Variants in SUGP1 observed in about 807,000 individuals in gnomAD.
SUGP1 encodes SURP and G-patch domain-containing protein 1.
SUGP1 carries 34 observed loss-of-function variants against 76.5 expected under a neutral mutation model. The observed-to-expected ratio is 0.44, with a 90% CI of 0.34 to 0.59. The LOEUF is 0.59. Ranked by LOEUF, SUGP1 falls within the 20% of genes least tolerant of loss-of-function variation. SUGP1 has a pLI of 0.01. For missense variants in SUGP1, 752 were observed against 851.7 expected, an observed-to-expected ratio of 0.88 and a Z score of 1.46; for synonymous variants, 326 against 326.2, an observed-to-expected ratio of 1.00 and a Z score of 0.01.
intron 8 of SUGP1, among the ~76,000 whole-genome samples, chr19:19,286,330 A>C (rs2061139836): frequency 6.6e-6 from 1 of 152,126 alleles, no homozygotes; most frequent in Non-Finnish European, 1.5e-5. Context: ...TAACACACGT[A>C]CTCTATGGAG....
intron 8 of SUGP1, among the ~76,000 whole-genome samples, chr19:19,293,387 C>A (rs897880389): frequency 4.6e-5 from 7 of 151,752 alleles, no homozygotes; most frequent in Non-Finnish European, 1.0e-4. Flanking sequence ...AGTTCGAGAC[C>A]AGCCTGGCCA....
intron 1 of SUGP1, 148 bp downstream of exon 1, chr19:19,320,315 C>T: frequency 1.3e-6 from 1 of 785,342 alleles, no homozygotes; most frequent in African/African-American, 1.8e-5. Context: ...TCTCGAGAAA[C>T]CAAGAGGTGC....
chr19:19,277,586 T>G (rs952683182), intron 12 of SUGP1, 148 bp downstream of exon 12: 2 of 1,094,494 alleles, frequency 1.8e-6, no homozygotes. Flanking sequence ...ACTGCAGGCC[T>G]GTGCCTGACA....
At chr19:19,301,928 C>G (rs531339007) in intron 7 of SUGP1, 82 of 320,488 alleles carry the variant, frequency 2.6e-4, no homozygotes, top group African/African-American at 1.7e-3. Flanking sequence ...CTGTGAATTT[C>G]CACTTGAGAG....
At chr19:19,300,071 C>T (rs2061259432) in intron 7 of SUGP1, among the ~76,000 whole-genome samples, 1 of 151,388 alleles carries the variant, frequency 6.6e-6, no homozygotes, top group Admixed American at 6.6e-5. Flanking sequence ...AGCCACCAAG[C>T]CCAGCCTCAT....
Position 19,303,713 on chromosome 19 carries a change from G to A in SUGP1, c.662+11C>T, listed in dbSNP as rs373795494. 6.2e-7 allele frequency: 1 copy of A among 1,614,128 alleles called. No homozygotes were observed. The highest frequency in any genetic ancestry group is 1.3e-5 in the African/African-American group (1 of 75,034). ...CAACAGCACAGCCTTCCCTTCCCCG[G>A]AGATACTCACGCAAATGCTGGGTTA... On this transcript the variant is annotated intron_variant, in intron 5 of 13. Transcript: ENST00000247001.
chr19:19,282,785 AAGTT>A (rs2061108307), intron 8 of SUGP1, among the ~76,000 whole-genome samples: 1 of 152,156 alleles, frequency 6.6e-6, no homozygotes, highest in Admixed American at 6.5e-5. Flanking sequence ...AATCAAGAAA[AAGTT>A]AGGTGTGGCC....
In SUGP1 at chr19:19,303,388, T is replaced by G; in HGVS notation, c.723A>C (p.Ile241=). The G allele has an allele frequency of 1.2e-6, 2 of 1,614,160 alleles. No homozygotes were observed. Among genetic ancestry groups the G allele is most frequent in the East Asian group, 2.2e-5 (1 of 44,888 alleles). The change falls in exon 6 of 14, where the codon ATA becomes ATC. Residue 241 remains isoleucine (I), a synonymous_variant. Transcript: ENST00000247001. ...CCTGCGACTTCTGTGCTTCCTTTCT[T>G]ATCTCAGCCACCTTCTTCCTGTAGT... is the stretch of plus-strand genomic sequence containing the variant. ...FLYYRKKVAE[I]RKEAQKSQAA... is the part of the protein sequence containing the mutation.
chr19:19,302,434 A>G (rs1420586010), intron 6 of SUGP1, 46 bp from the exon 7 acceptor site: 3 of 1,594,740 alleles, frequency 1.9e-6, no homozygotes, highest in Non-Finnish European at 2.6e-6. Flanking sequence ...CACACCCAAC[A>G]GCCTAATTTC....
chr19:19,279,407 C>T lies in SUGP1; in HGVS notation c.1351-17G>A, dbSNP rs778793759. 12 of 1,582,114 alleles carry T rather than the reference C, an allele frequency of 7.6e-6. No homozygotes were observed. The highest frequency in any genetic ancestry group is 2.3e-4 in the Middle Eastern group (1 of 4,370). On this transcript the variant is annotated splice_polypyrimidine_tract_variant and intron_variant, in intron 9 of 13. Transcript: ENST00000247001. ...CTGCTGCATCTGCAGGGCACACTCG[C>T]CAGTGAGCCAGGGCACGGTGCTGTG...
Position 19,303,796 on chromosome 19 carries a change from C to A in SUGP1, c.590G>T (p.Arg197Leu). The change falls in exon 5 of 14, where the codon CGC becomes CTC. Residue 197 changes from arginine to leucine, a missense_variant. Arg to Leu is a moderately radical substitution (Grantham distance 102, BLOSUM62 -2). Coordinates refer to ENST00000247001, the MANE Select transcript of SUGP1 (RefSeq NM_172231.4). ...CTCGGGGCCTCCTTCTGCCACAAAGCGGGCCAATTTCTCTATCACTTTCCG... is the reference window on the plus strand; with the variant it reads ...CTCGGGGCCTCCTTCTGCCACAAAGAGGGCCAATTTCTCTATCACTTTCCG... ...ETRKVIEKLA[R>L]FVAEGGPELE... The A allele has an allele frequency of 6.2e-7, 1 of 1,614,196 alleles. No homozygotes were observed. The highest frequency in any genetic ancestry group is 8.5e-7 in the Non-Finnish European group (1 of 1,180,054).
chr19:19,302,231 G>T, intron 7 of SUGP1, 34 bp downstream of exon 7: 1 of 1,612,490 alleles, frequency 6.2e-7, no homozygotes, highest in Non-Finnish European at 8.5e-7. Flanking sequence ...TGTGGCCAGG[G>T]TGACGGTCAC....
chr19:19,313,941 C>T (rs1461273275), intron 2 of SUGP1, among the ~76,000 whole-genome samples: 1 of 152,102 alleles, frequency 6.6e-6, no homozygotes, highest in Non-Finnish European at 1.5e-5. Flanking sequence ...GAGTTAAAGA[C>T]CAGCCTGGCC....
intron 1 of SUGP1, among the ~76,000 whole-genome samples, chr19:19,320,114 C>T (rs904087306): frequency 6.6e-6 from 1 of 152,230 alleles, no homozygotes; most frequent in Non-Finnish European, 1.5e-5. Flanking sequence ...AGGCCAGAGG[C>T]CAGCTGCGAC....
chr19:19,277,602 T>A, intron 12 of SUGP1, 132 bp downstream of exon 12: 1 of 1,201,492 alleles, frequency 8.3e-7, no homozygotes, highest in Non-Finnish European at 1.2e-6. Context: ...TGACAAGGGG[T>A]GTGCAGTGGG....
At chr19:19,299,614 C>T (rs1010860407) in intron 7 of SUGP1, among the ~76,000 whole-genome samples, 1 of 150,758 alleles carries the variant, frequency 6.6e-6, no homozygotes, top group African/African-American at 2.4e-5. Flanking sequence ...GATCTCCTGA[C>T]CTCGTGATCC....
At chr19:19,320,021 G>C (rs1228765226) in intron 1 of SUGP1, among the ~76,000 whole-genome samples, 1 of 152,220 alleles carries the variant, frequency 6.6e-6, no homozygotes, top group Non-Finnish European at 1.5e-5. Flanking sequence ...TTGCAGCAAA[G>C]TGAGGGTCAA....
At chr19:19,304,540 G>A (rs796073252) in intron 4 of SUGP1, among the ~76,000 whole-genome samples, 2 of 152,258 alleles carry the variant, frequency 1.3e-5, no homozygotes, top group African/African-American at 2.4e-5. Context: ...TCATTATTTC[G>A]GGGCCTTTTC....
intron 1 of SUGP1, among the ~76,000 whole-genome samples, chr19:19,318,470 C>T (rs185451240): frequency 7.8e-4 from 118 of 152,070 alleles, no homozygotes; most frequent in Non-Finnish European, 1.5e-4. Context: ...GCTGAGTTGC[C>T]CAGGCAGGAG....
Sources: allele counts gnomAD v4.1 joint callset (sites outside exome capture counted in the v4.1 genomes callset), GRCh38; gene constraint gnomAD v4.1.1; transcripts MANE v1.5; gene names NCBI Gene and HGNC (gene_info 2026-07-23, HGNC 2026-07-21).